Variants in TSPAN1 observed in about 807,000 individuals in gnomAD.
TSPAN1 encodes the protein tetraspanin 1.
A neutral mutation model predicts 26.9 loss-of-function variants in TSPAN1; 23 were observed. The ratio of observed to expected loss-of-function variants is 0.85; its 90% CI spans 0.62 to 1.21. TSPAN1 has a LOEUF of 1.21. Among genes scored for constraint, TSPAN1 ranks in the 50% most tolerant of loss-of-function variants. TSPAN1 has a pLI of 0.00. For missense variants in TSPAN1, 283 were observed against 298.4 expected (o/e 0.95, Z 0.38); for synonymous variants, 115 against 114.8 (o/e 1.00, Z -0.01).
At position 46,185,092 on chromosome 1, in the gene TSPAN1, A is replaced by G. The variant is rs775449859; in HGVS notation, c.571A>G (p.Lys191Glu). The change falls in exon 7 of 9, where the codon AAG becomes GAG. Residue 191 changes from lysine (K) to glutamate (E), a missense_variant. Coordinates refer to ENST00000372003, the MANE Select transcript of TSPAN1 (RefSeq NM_005727.4). ...NTANETCTKQ[K>E]AHDQKVEGCF... ...AGCCAATGAAACCTGCACCAAGCAAAAGGCTCACGACCAAAAAGTAGAGGT... is the reference window on the plus strand; with the variant it reads ...AGCCAATGAAACCTGCACCAAGCAAGAGGCTCACGACCAAAAAGTAGAGGT... 3.3e-5 allele frequency: 54 copies of G among 1,614,058 alleles called. No individual in the cohort carries two copies. The highest frequency in any genetic ancestry group is 4.4e-5 in the Non-Finnish European group (52 of 1,180,050).
Position 46,184,986 on chromosome 1 carries a change from T to C in TSPAN1, c.465T>C (p.Tyr155=), listed in dbSNP as rs111543379. 91 of 1,614,216 alleles carry C rather than the reference T, an allele frequency of 5.6e-5. No homozygotes were observed. In the East Asian group the frequency reaches 1.8e-3, roughly 32 times the overall value. Reference sequence around the variant, plus strand: ...TCAAGTGCTGTGGCTTCACCAACTATACGGATTTTGAGGACTCACCCTACT... The same window carrying C: ...TCAAGTGCTGTGGCTTCACCAACTACACGGATTTTGAGGACTCACCCTACT... ...KGLKCCGFTN[Y]TDFEDSPYFK... is the part of the protein sequence containing the mutation. The change falls in exon 7 of 9, where the codon TAT becomes TAC. Residue 155 remains tyrosine, a synonymous_variant. Transcript: ENST00000372003.
downstream of TSPAN1, chr1:46,189,328 A>G (rs1201176147): frequency 6.2e-7 from 1 of 1,613,818 alleles, no homozygotes; most frequent in African/African-American, 1.3e-5. Flanking sequence ...CTCCAGGAAA[A>G]TTGGGGTGAC....
downstream of TSPAN1, chr1:46,189,748 A>C (rs1657602951): frequency 4.5e-6 from 7 of 1,572,112 alleles, no homozygotes; most frequent in South Asian, 8.2e-5. Flanking sequence ...GAGTATAAAG[A>C]GGAGGTTCTG....
chr1:46,188,770 C>T (rs764840485), downstream of TSPAN1: 4 of 1,612,836 alleles, frequency 2.5e-6, no homozygotes, highest in Admixed American at 6.7e-5. Flanking sequence ...GAGGCCTGGT[C>T]CAGTGTCTAA....
chr1:46,181,464 C>A (rs1657314237), intron 3 of TSPAN1, among the ~76,000 whole-genome samples: 1 of 152,214 alleles, frequency 6.6e-6, no homozygotes. Context: ...AGGAATGATT[C>A]TCCACCCTTT....
chr1:46,195,637 G>A, the TSPAN1 span: 1 of 712,994 alleles, frequency 1.4e-6, no homozygotes, highest in East Asian at 2.8e-5. Context: ...GCATACAGCT[G>A]TTGCTCAATA....
downstream of TSPAN1, chr1:46,189,738 GA>G: frequency 6.4e-7 from 1 of 1,560,358 alleles, no homozygotes; most frequent in Non-Finnish European, 8.7e-7. Flanking sequence ...GGTGTTCTAA[GA>G]GTATAAAGAG....
the TSPAN1 span, among the ~76,000 whole-genome samples, chr1:46,195,125 G>C: frequency 6.6e-6 from 1 of 152,146 alleles, no homozygotes. Flanking sequence ...ATAACTGAAG[G>C]CTTAGAGATT....
downstream of TSPAN1, chr1:46,189,785 C>T (rs1393216411): frequency 5.0e-6 from 8 of 1,604,666 alleles, no homozygotes; most frequent in Non-Finnish European, 6.8e-6. Context: ...AGCAAAGGCT[C>T]CCTGGATCTT....
rs1037551366 is a variant in TSPAN1 at position 46,184,882 on chromosome 1, G to A, written c.437G>A (p.Gly146Glu). ...CAAGTGTGGAACACCACCATGAAAG[G>A]GGTAAGGTTGGCTGGGGGAGGTTTT... ...FTQVWNTTMK[G>E]LKCCGFTNYT... Residue 146 changes from glycine to glutamate, a missense_variant and splice_region_variant, in exon 6 of 9, where the codon GGG becomes GAG. Transcript: ENST00000372003. 1 of 1,614,092 alleles carries A rather than the reference G, an allele frequency of 6.2e-7. No individual in the cohort carries two copies. The highest frequency in any genetic ancestry group is 1.3e-5 in the African/African-American group (1 of 74,926).
chr1:46,181,516 G>A (rs1236110764), intron 3 of TSPAN1, among the ~76,000 whole-genome samples: 1 of 152,216 alleles, frequency 6.6e-6, no homozygotes, highest in East Asian at 1.9e-4. Flanking sequence ...CTCCACCCAA[G>A]TTTACCTACC....
chr1:46,176,436 G>C lies in TSPAN1; in HGVS notation c.-142+1027G>C, dbSNP rs940924112. The C allele has an allele frequency of 1.7e-5, 26 of 1,535,626 alleles. No individual in the cohort carries two copies. In the African/African-American group the frequency reaches 3.1e-4, roughly 19 times the overall value. ...TGCGGTAGGGGGAACGCATGCCCTG[G>C]GGCCGAGGGCCACGGACAAGCCGAG... On this transcript the variant is annotated intron_variant, in intron 1 of 8. Coordinates refer to ENST00000372003, the MANE Select transcript of TSPAN1 (RefSeq NM_005727.4).
chr1:46,190,747 G>A (rs1215275022), downstream of TSPAN1: 1 of 1,613,744 alleles, frequency 6.2e-7, no homozygotes, highest in Non-Finnish European at 8.5e-7. Context: ...CTGGACACCT[G>A]GAACCGTGTT....
downstream of TSPAN1, chr1:46,189,817 G>T (rs1657609061): frequency 1.2e-6 from 2 of 1,612,674 alleles, no homozygotes; most frequent in South Asian, 1.1e-5. Flanking sequence ...TGTGTGAGGG[G>T]GAGGGGTTCT....
the TSPAN1 span, chr1:46,194,854 T>A: frequency 6.2e-7 from 1 of 1,613,984 alleles, no homozygotes; most frequent in South Asian, 1.1e-5. Flanking sequence ...CTCCTTTTCG[T>A]CCCACGAAGG....
chr1:46,194,648 G>A, the TSPAN1 span: 1 of 1,614,248 alleles, frequency 6.2e-7, no homozygotes, highest in Non-Finnish European at 8.5e-7. Flanking sequence ...CCCGAAGACA[G>A]GACCTGGCAG....
At chr1:46,191,751 C>T in the TSPAN1 span, 2 of 352,336 alleles carry the variant, frequency 5.7e-6, no homozygotes, top group Admixed American at 3.9e-5. Context: ...TCTCCTGCCT[C>T]AGCCTCCCAA....
chr1:46,181,484 G>C (rs904516785), intron 3 of TSPAN1, among the ~76,000 whole-genome samples: 5 of 152,196 alleles, frequency 3.3e-5, no homozygotes, highest in African/African-American at 1.2e-4. Flanking sequence ...TATAGGCACT[G>C]GGGGCCCAGA....
intron 3 of TSPAN1, 106 bp from the exon 4 acceptor site, chr1:46,184,085 C>A (rs1657370065): frequency 1.6e-6 from 2 of 1,228,396 alleles, no homozygotes; most frequent in Non-Finnish European, 2.4e-6. Flanking sequence ...GACTCCCTAG[C>A]CAATAAAGAG....
Sources: gnomAD v4.1 joint callset for allele counts (sites outside exome capture counted in the v4.1 genomes callset) on GRCh38, gnomAD v4.1.1 for gene constraint, MANE v1.5 for transcripts, NCBI Gene and HGNC (gene_info 2026-07-23, HGNC 2026-07-21) for gene names.